EYS: variants seen among roughly 807,000 people sequenced by gnomAD.
EYS encodes protein eyes shut homolog.
EYS carries 250 observed loss-of-function variants against 282.1 expected under a neutral mutation model. The observed-to-expected ratio is 0.89, with a 90% CI of 0.80 to 0.98. The LOEUF (loss-of-function observed/expected upper bound fraction) is 0.98, where lower values mean the gene tolerates loss of function less well. Among genes scored for constraint, EYS ranks in the 50% least tolerant of loss-of-function variants. EYS has a pLI of 0.00. For synonymous variants in EYS, 1,355 were observed against 1,282.9 expected (o/e 1.06, Z -1.20); for missense variants, 4,016 against 3,709.0 (o/e 1.08, Z -2.15).
Position 65,364,423 on chromosome 6 carries a change from A to G in EYS, c.1300-10806T>C, listed in dbSNP as rs191743061. On this transcript the variant is annotated intron_variant, in intron 8 of 42. Coordinates refer to ENST00000503581, the MANE Select transcript of EYS (RefSeq NM_001142800.2). ...AAAATGAATAAAACTTTAAAATATGATAACCTTGCATGAGTTGAAAAAAAT... is the reference window on the plus strand; with the variant it reads ...AAAATGAATAAAACTTTAAAATATGGTAACCTTGCATGAGTTGAAAAAAAT... Among the ~76,000 whole-genome samples the G allele has an allele frequency of 3.3e-3, 502 of 151,560 alleles. 3 individuals carry two copies. The highest frequency in any genetic ancestry group is 4.6e-3 in the Non-Finnish European group (310 of 67,852).
At chr6:64,891,390 C>T (rs1191338196) in intron 18 of EYS, among the ~76,000 whole-genome samples, 4 of 152,090 alleles carry the variant, frequency 2.6e-5, no homozygotes, top group Non-Finnish European at 1.5e-5. Context: ...CCTCCCTCCA[C>T]CTGCCCTGCC....
chr6:64,873,659 A>G (rs1053858878), intron 19 of EYS, among the ~76,000 whole-genome samples: 1 of 152,108 alleles, frequency 6.6e-6, no homozygotes, highest in Non-Finnish European at 1.5e-5. Context: ...TATTGCATAT[A>G]TCAAAATTGC....
chr6:64,871,969 A>C (rs1766612443), intron 19 of EYS, among the ~76,000 whole-genome samples: 1 of 152,064 alleles, frequency 6.6e-6, no homozygotes, highest in African/African-American at 2.4e-5. Flanking sequence ...GTGATTATAA[A>C]AGTCTTTATC....
intron 30 of EYS, among the ~76,000 whole-genome samples, chr6:64,274,200 G>A (rs1768032214): frequency 6.6e-6 from 1 of 152,262 alleles, no homozygotes; most frequent in South Asian, 2.1e-4. Flanking sequence ...TTCATAGACA[G>A]GGTTTCACTC....
intron 12 of EYS, among the ~76,000 whole-genome samples, chr6:65,161,571 A>G (rs200293864): frequency 6.6e-6 from 1 of 151,184 alleles, no homozygotes; most frequent in Non-Finnish European, 1.5e-5. Flanking sequence ...TCAAAGAAAG[A>G]AAAACAAAAG....
intron 22 of EYS, among the ~76,000 whole-genome samples, chr6:64,656,855 T>A (rs2149883115): frequency 6.6e-6 from 1 of 152,274 alleles, no homozygotes; most frequent in South Asian, 2.1e-4. Flanking sequence ...GGAAATTGGC[T>A]GTAAAAGGTT....
chr6:65,049,988 A>G (rs1352710545), intron 13 of EYS, among the ~76,000 whole-genome samples: 3 of 151,640 alleles, frequency 2.0e-5, no homozygotes, highest in Admixed American at 6.6e-5. Context: ...GTCAAATATA[A>G]TTACCCACCC....
intron 42 of EYS, among the ~76,000 whole-genome samples, chr6:63,722,803 G>A (rs1010983292): frequency 1.3e-5 from 2 of 152,082 alleles, no homozygotes; most frequent in African/African-American, 4.8e-5. Flanking sequence ...CTCCATTGTG[G>A]TCTATACCAA....
intron 36 of EYS, among the ~76,000 whole-genome samples, chr6:63,851,000 G>C (rs1312146574): frequency 1.3e-5 from 2 of 152,090 alleles, no homozygotes; most frequent in African/African-American, 4.8e-5. Context: ...CAAATGGAAA[G>C]CAAAAAGAAG....
chr6:64,850,720 TA>T (rs1765857532), intron 19 of EYS, among the ~76,000 whole-genome samples: 1 of 152,052 alleles, frequency 6.6e-6, no homozygotes, highest in Non-Finnish European at 1.5e-5. Context: ...GGTAACATAA[TA>T]GACATTAATT....
At chr6:64,006,809 T>C (rs1419879557) in intron 33 of EYS, among the ~76,000 whole-genome samples, 1 of 152,168 alleles carries the variant, frequency 6.6e-6, no homozygotes, top group Non-Finnish European at 1.5e-5. Context: ...GATTTGCATA[T>C]GTTTATGCAA....
At position 65,296,020 on chromosome 6, in the gene EYS, G is replaced by T. The variant is rs1291613335; in HGVS notation, c.1866C>A (p.Ala622=). Residue 622 remains alanine (A), a synonymous_variant, in exon 12 of 43, where the codon GCC becomes GCA. Coordinates refer to ENST00000503581, the MANE Select transcript of EYS (RefSeq NM_001142800.2). ...CGCTACAGTTACAATTGTGCGAAAG[G>T]GCCAGGCAGAGGCCATGCACTGATA... ...HSISVHGLCL[A]LSHNCNCSGL... 1.3e-6 allele frequency: 2 copies of T among 1,550,962 alleles called. No individual in the cohort carries two copies. The highest frequency in any genetic ancestry group is 2.7e-5 in the African/African-American group (2 of 72,936).
chr6:65,388,949 C>G (rs1765900409), intron 7 of EYS, among the ~76,000 whole-genome samples: 6 of 151,934 alleles, frequency 3.9e-5, no homozygotes. Flanking sequence ...TCTAAAGAAA[C>G]ATTGTATTGA....
chr6:64,276,178 G>A (rs1435451347), intron 30 of EYS, among the ~76,000 whole-genome samples: 1 of 152,102 alleles, frequency 6.6e-6, no homozygotes, highest in African/African-American at 2.4e-5. Flanking sequence ...TTGACAGTTT[G>A]ATTACTAGGC....
chr6:63,762,440 T>C, intron 41 of EYS, 21 bp downstream of exon 41: 1 of 1,545,950 alleles, frequency 6.5e-7, no homozygotes, highest in Admixed American at 2.0e-5. Context: ...GACAGCAAAA[T>C]GATTTGAAAT....
At chr6:63,762,760 C>T in intron 40 of EYS, 127 bp from the exon 41 acceptor site, 1 of 884,678 alleles carries the variant, frequency 1.1e-6, no homozygotes, top group Non-Finnish European at 1.7e-6. Flanking sequence ...AATTGTGATT[C>T]AAACCCTAAA....
intron 12 of EYS, among the ~76,000 whole-genome samples, chr6:65,135,981 A>C (rs1243388432): frequency 6.6e-6 from 1 of 152,086 alleles, no homozygotes; most frequent in East Asian, 1.9e-4. Context: ...AATCTTTTAC[A>C]TGTAAATTTA....
chr6:63,780,147 T>C (rs1278678078), intron 39 of EYS, among the ~76,000 whole-genome samples: 3 of 152,204 alleles, frequency 2.0e-5, no homozygotes, highest in East Asian at 3.9e-4. Flanking sequence ...CAGTCTATCA[T>C]TGATGGGCAT....
chr6:64,152,649 T>C (rs1774782254), intron 31 of EYS, among the ~76,000 whole-genome samples: 1 of 152,174 alleles, frequency 6.6e-6, no homozygotes, highest in Non-Finnish European at 1.5e-5. Context: ...TTTTCAGTTA[T>C]AGCCATATTC....
Sources: gnomAD v4.1 joint callset for allele counts (sites outside exome capture counted in the v4.1 genomes callset) on GRCh38, gnomAD v4.1.1 for gene constraint, MANE v1.5 for transcripts, NCBI Gene and HGNC (gene_info 2026-07-23, HGNC 2026-07-21) for gene names.